The following RIPOR2 variants were observed in gnomAD, a reference collection of about 807,000 sequenced individuals.
RIPOR2 encodes the protein rho family-interacting cell polarization regulator 2.
A neutral mutation model predicts 114.5 loss-of-function variants in RIPOR2; 39 were observed. The ratio of observed to expected loss-of-function variants is 0.34; its 90% CI spans 0.26 to 0.44. The LOEUF is 0.44. RIPOR2 is among the 20% of genes least tolerant of loss of function. The pLI is 1.00. For synonymous variants in RIPOR2, 445 were observed against 484.4 expected, an observed-to-expected ratio of 0.92 and a Z score of 1.07; for missense variants, 1,007 against 1,255.1, an observed-to-expected ratio of 0.80 and a Z score of 2.99.
intron 1 of RIPOR2, among the ~76,000 whole-genome samples, chr6:24,945,811 C>T (rs927053942): frequency 2.6e-5 from 4 of 152,048 alleles, no homozygotes; most frequent in African/African-American, 9.7e-5. Flanking sequence ...CAATTTAGCA[C>T]AAATAATTCA....
At chr6:24,849,697 C>T (rs2113771597) in intron 11 of RIPOR2, 105 bp downstream of exon 11, 1 of 1,053,746 alleles carries the variant, frequency 9.5e-7, no homozygotes, top group Non-Finnish European at 1.4e-6. Context: ...TTCTGCTTTT[C>T]ATAACAAGCT....
intron 1 of RIPOR2, among the ~76,000 whole-genome samples, chr6:24,985,028 G>A (rs1378700913): frequency 2.6e-5 from 4 of 152,232 alleles, no homozygotes; most frequent in African/African-American, 7.2e-5. Context: ...CAATAAAAGA[G>A]CACTGGACTT....
intron 1 of RIPOR2, among the ~76,000 whole-genome samples, chr6:25,036,474 C>T (rs544714089): frequency 2.6e-5 from 4 of 152,224 alleles, no homozygotes; most frequent in Non-Finnish European, 4.4e-5. Context: ...TCAGTGTAAC[C>T]TCCAGTTCCT....
intron 8 of RIPOR2, among the ~76,000 whole-genome samples, chr6:24,853,094 T>C (rs1170012782): frequency 6.6e-6 from 1 of 152,212 alleles, no homozygotes; most frequent in African/African-American, 2.4e-5. Flanking sequence ...AATTTACTCA[T>C]TCTGATGTTT....
At chr6:24,936,003 C>T, upstream of RIPOR2, 1 of 788,794 alleles carries the variant, frequency 1.3e-6, no homozygotes, top group Non-Finnish European at 2.1e-6. Flanking sequence ...CCCAAGCCCT[C>T]TGGAGGGCAG....
intron 14 of RIPOR2, among the ~76,000 whole-genome samples, chr6:24,836,685 T>C (rs1761144106): frequency 6.6e-6 from 1 of 152,176 alleles, no homozygotes; most frequent in Non-Finnish European, 1.5e-5. Context: ...TTTAAAAAGA[T>C]TAGCACCAGA....
intron 6 of RIPOR2, among the ~76,000 whole-genome samples, chr6:24,867,640 C>T (rs1257200180): frequency 1.3e-5 from 2 of 152,184 alleles, no homozygotes; most frequent in African/African-American, 4.8e-5. Flanking sequence ...ATGACTTAAT[C>T]TATTACTTTG....
chr6:24,808,033 G>A (rs1330667978), intron 21 of RIPOR2, among the ~76,000 whole-genome samples: 1 of 152,156 alleles, frequency 6.6e-6, no homozygotes, highest in South Asian at 2.1e-4. Context: ...AAAAAATCCT[G>A]ATGCCAAGGA....
At chr6:24,922,249 A>T (rs1204941544) in intron 1 of RIPOR2, among the ~76,000 whole-genome samples, 1 of 152,228 alleles carries the variant, frequency 6.6e-6, no homozygotes, top group Non-Finnish European at 1.5e-5. Context: ...GAGCCTCAGT[A>T]AGTGCTAATC....
intron 1 of RIPOR2, among the ~76,000 whole-genome samples, chr6:25,036,018 G>A (rs962545714): frequency 3.9e-5 from 6 of 152,114 alleles, no homozygotes; most frequent in Admixed American, 3.3e-4. Context: ...GATGGTGGCA[G>A]ACAGGAGAGC....
intron 1 of RIPOR2, among the ~76,000 whole-genome samples, chr6:24,935,170 T>G (rs1318524368): frequency 6.6e-6 from 1 of 151,726 alleles, no homozygotes; most frequent in Non-Finnish European, 1.5e-5. Flanking sequence ...TAGCTGGGCA[T>G]GGTGGTGGGC....
chr6:24,925,477 G>T (rs941537965), intron 1 of RIPOR2, among the ~76,000 whole-genome samples: 1 of 152,164 alleles, frequency 6.6e-6, no homozygotes, highest in South Asian at 2.1e-4. Context: ...GCCGAGGTGG[G>T]TGGATCAGGA....
At chr6:24,932,771 T>C (rs571121010) in intron 1 of RIPOR2, among the ~76,000 whole-genome samples, 1 of 152,352 alleles carries the variant, frequency 6.6e-6, no homozygotes, top group African/African-American at 2.4e-5. Context: ...GAAATATAGT[T>C]GCCCTAATAA....
intron 1 of RIPOR2, among the ~76,000 whole-genome samples, chr6:24,886,631 C>T (rs987288205): frequency 2.6e-5 from 4 of 152,220 alleles, no homozygotes; most frequent in African/African-American, 9.6e-5. Flanking sequence ...AAGAGTCAGA[C>T]TATGCATTTT....
intron 1 of RIPOR2, among the ~76,000 whole-genome samples, chr6:24,951,898 C>T: frequency 6.6e-6 from 1 of 152,292 alleles, no homozygotes; most frequent in African/African-American, 2.4e-5. Context: ...TACCTTGCCA[C>T]AACAGGACCC....
At chr6:24,832,435 A>G (rs1456314002) in intron 15 of RIPOR2, 44 bp from the exon 16 acceptor site, 24 of 1,539,820 alleles carry the variant, frequency 1.6e-5, no homozygotes, top group Non-Finnish European at 2.1e-5. Flanking sequence ...TGTTGTTTTC[A>G]GTAGAGCTTT....
chr6:24,867,393 A>T (rs1361814677), intron 6 of RIPOR2, among the ~76,000 whole-genome samples: 4 of 152,226 alleles, frequency 2.6e-5, no homozygotes, highest in African/African-American at 9.7e-5. Context: ...CTGGGCCAGG[A>T]ATCTGAAATT....
At chr6:24,931,861 A>C (rs1337826424) in intron 1 of RIPOR2, 2 of 152,230 alleles carry the variant, frequency 1.3e-5, no homozygotes, top group Non-Finnish European at 2.9e-5. Context: ...AACTTGTGCC[A>C]AGGAGTAATT....
Position 24,823,345 on chromosome 6 carries a change from TA to T in RIPOR2, c.2868+1880del, listed in dbSNP as rs535718644. On this transcript the variant is annotated intron_variant, in intron 19 of 21. Coordinates refer to ENST00000643898, the MANE Select transcript of RIPOR2 (RefSeq NM_001286445.3). ...CCAAATTCTGTTACTTAACTAGTCT[TA>T]GTCAAGTTTAACTCCTTGGAGGCTC... Among the ~76,000 whole-genome samples, 12 of 152,350 alleles carry T rather than the reference TA, an allele frequency of 7.9e-5. No homozygotes were observed. In the South Asian group the frequency reaches 2.5e-3, roughly 32 times the overall value.
Sources: gnomAD v4.1 joint callset for allele counts (sites outside exome capture counted in the v4.1 genomes callset) on GRCh38, gnomAD v4.1.1 for gene constraint, MANE v1.5 for transcripts, NCBI Gene and HGNC (gene_info 2026-07-23, HGNC 2026-07-21) for gene names.